Variants in C4orf50 observed in about 807,000 individuals in gnomAD.
The protein encoded by C4orf50 is uncharacterized protein C4orf50.
In C4orf50, 80 loss-of-function variants were observed where a neutral mutation model predicts 77.2. The ratio of observed to expected loss-of-function variants is 1.04; its 90% confidence interval spans 0.87 to 1.25. The LOEUF (loss-of-function observed/expected upper bound fraction) is 1.25. Ranked by LOEUF, C4orf50 falls within the 50% of genes most tolerant of loss-of-function variation. The pLI is 0.00. For synonymous variants in C4orf50, 532 were observed against 465.3 expected (o/e 1.14, Z -1.84); for missense variants, 1,257 against 1,152.9 (o/e 1.09, Z -1.31).
At chr4:5,948,446 C>G (rs1718576737) in intron 7 of C4orf50, among the ~76,000 whole-genome samples, 1 of 152,122 alleles carries the variant, frequency 6.6e-6, no homozygotes, top group Non-Finnish European at 1.5e-5. Flanking sequence ...GGGTGGGTCA[C>G]CTGAGGTCAG....
chr4:5,902,310 G>A (rs1560532719), intron 7 of C4orf50: 1 of 152,330 alleles, frequency 6.6e-6, no homozygotes, highest in African/African-American at 2.4e-5. Flanking sequence ...TGCTGTCAAG[G>A]ACAGTGATAT....
chr4:5,931,434 C>T (rs554094936), intron 7 of C4orf50, among the ~76,000 whole-genome samples: 5 of 152,210 alleles, frequency 3.3e-5, no homozygotes, highest in Admixed American at 2.6e-4. Flanking sequence ...TTCTCAGGTG[C>T]GAAGATAAAG....
intron 7 of C4orf50, among the ~76,000 whole-genome samples, chr4:5,914,490 CA>C (rs1716951789): frequency 6.6e-6 from 1 of 152,088 alleles, no homozygotes; most frequent in Non-Finnish European, 1.5e-5. Context: ...AGGTGTGAGC[CA>C]CCGCGCCTGG....
chr4:5,937,387 A>T (rs1718072620), intron 7 of C4orf50, among the ~76,000 whole-genome samples: 1 of 152,174 alleles, frequency 6.6e-6, no homozygotes, highest in Admixed American at 6.5e-5. Flanking sequence ...AAGGGTAGCC[A>T]CTAAAATAAT....
chr4:5,971,336 T>A (rs76418723), intron 31 of C4orf50, among the ~76,000 whole-genome samples: 2 of 152,080 alleles, frequency 1.3e-5, no homozygotes, highest in Admixed American at 1.3e-4. Context: ...ACGCCCACCC[T>A]GCTGTCCACT....
chr4:5,937,405 T>C (rs1363509768), intron 7 of C4orf50, among the ~76,000 whole-genome samples: 1 of 152,054 alleles, frequency 6.6e-6, no homozygotes, highest in South Asian at 2.1e-4. Flanking sequence ...AATGGAAATA[T>C]AATGTACACC....
At chr4:5,931,852 A>AGAAGGAGAAGG (rs1424404754) in intron 7 of C4orf50, among the ~76,000 whole-genome samples, 1 of 152,120 alleles carries the variant, frequency 6.6e-6, no homozygotes, top group African/African-American at 2.4e-5. Flanking sequence ...GTCTCATTCA[A>AGAAGGAGAAGG]TGTCACTTCC....
chr4:5,961,091 C>T (rs1198568868), intron 33 of C4orf50, among the ~76,000 whole-genome samples: 6 of 152,336 alleles, frequency 3.9e-5, no homozygotes, highest in African/African-American at 9.6e-5. Context: ...CAGGAAGTGT[C>T]ACAATGCATA....
rs1003707730 is a variant in C4orf50, at chr4:6,011,486, C to T, written c.426+344G>A. Among the ~76,000 whole-genome samples, 4 of 152,178 alleles carry T rather than the reference C, an allele frequency of 2.6e-5. No individual in the cohort carries two copies. Among genetic ancestry groups the T allele is most frequent in the Middle Eastern group, 3.4e-3 (1 of 294 alleles). ...ACACTCCCCCATGGCACCCCACATC[C>T]GGGTTTAGAGTTATTTGTTTCTTAT... On this transcript the variant is annotated intron_variant, in intron 24 of 33. Coordinates refer to ENST00000531445, the Ensembl canonical transcript of C4orf50. This position sits in a 1 kb window ranked among gnomAD's most constrained non-coding sequence, Gnocchi z 4.2.
intron 7 of C4orf50, among the ~76,000 whole-genome samples, chr4:5,931,399 T>C (rs1241920976): frequency 1.3e-5 from 2 of 152,170 alleles, no homozygotes; most frequent in African/African-American, 4.8e-5. Context: ...AGTTTTATGG[T>C]TTGCAAAAAC....
intron 7 of C4orf50, among the ~76,000 whole-genome samples, chr4:5,910,221 A>G (rs1716745431): frequency 6.6e-6 from 1 of 152,230 alleles, no homozygotes; most frequent in Admixed American, 6.5e-5. Flanking sequence ...GAAACTGTTC[A>G]TGAGAAAATG....
intron 7 of C4orf50, among the ~76,000 whole-genome samples, chr4:5,918,594 G>A (rs1402811424): frequency 6.6e-6 from 1 of 152,200 alleles, no homozygotes; most frequent in Admixed American, 6.5e-5. Context: ...GGCTCACCTT[G>A]CGAATTTCAG....
At chr4:5,982,833 C>T (rs1278203414) in intron 28 of C4orf50, among the ~76,000 whole-genome samples, 1 of 151,970 alleles carries the variant, frequency 6.6e-6, no homozygotes. Context: ...AGCAGGAGAC[C>T]TAGAGGAGAA....
chr4:5,955,560 A>G (rs1718918212), downstream of C4orf50, among the ~76,000 whole-genome samples: 1 of 152,220 alleles, frequency 6.6e-6, no homozygotes, highest in African/African-American at 2.4e-5. This position sits in a 1 kb window ranked among gnomAD's most constrained non-coding sequence, Gnocchi z 5.1. Context: ...GAGGGCCCAC[A>G]GCTGCCGCGT....
chr4:5,982,068 G>C (rs1720621878), intron 28 of C4orf50, among the ~76,000 whole-genome samples: 1 of 152,072 alleles, frequency 6.6e-6, no homozygotes, highest in South Asian at 2.1e-4. Flanking sequence ...TTAATTAATA[G>C]AAATATACAC....
intron 25 of C4orf50, among the ~76,000 whole-genome samples, chr4:5,998,046 T>C (rs1302935621): frequency 6.6e-6 from 1 of 152,230 alleles, no homozygotes; most frequent in East Asian, 1.9e-4. Context: ...TTTTTGGATA[T>C]ATTTGTGGAA....
intron 31 of C4orf50, among the ~76,000 whole-genome samples, chr4:5,973,082 A>G (rs1262039935): frequency 2.0e-5 from 3 of 152,252 alleles, no homozygotes; most frequent in African/African-American, 7.2e-5. Context: ...CACTGGGAAG[A>G]CAAAGATGGC....
chr4:5,955,994 A>T (rs1718940680), downstream of C4orf50, among the ~76,000 whole-genome samples: 1 of 152,192 alleles, frequency 6.6e-6, no homozygotes, highest in South Asian at 2.1e-4. This position sits in a 1 kb window ranked among gnomAD's most constrained non-coding sequence, Gnocchi z 5.1. Flanking sequence ...ACAAAATGAC[A>T]AATGTTAACC....
Position 6,017,649 on chromosome 4 carries a change from G to T in C4orf50, c.287+496C>A, listed in dbSNP as rs1483550803. Among the ~76,000 whole-genome samples the T allele has an allele frequency of 6.6e-6, 1 of 152,120 alleles. No homozygotes were observed. Among genetic ancestry groups the T allele is most frequent in the African/African-American group, 2.4e-5 (1 of 41,420 alleles). On this transcript the variant is annotated intron_variant, in intron 23 of 33. Transcript: ENST00000531445. This position sits in a 1 kb window ranked among gnomAD's most constrained non-coding sequence, Gnocchi z 4.7. ...CCCCAGGATATAAGCCCTGGGTTGG[G>T]GATGGAAGGTTTGCTGTGTGGACAT...
Sources: gnomAD v4.1 joint callset for allele counts (sites outside exome capture counted in the v4.1 genomes callset) on GRCh38, gnomAD v4.1.1 for gene constraint, Gnocchi (gnomAD v3.1) non-coding constraint, MANE v1.5 for transcripts, NCBI Gene and HGNC (gene_info 2026-07-23, HGNC 2026-07-21) for gene names.